Variants in RAI14 observed in about 807,000 individuals in gnomAD.
RAI14 encodes ankycorbin.
In RAI14, 45 loss-of-function variants were observed where a neutral mutation model predicts 115.4. That is an observed-to-expected ratio of 0.39 (90% CI 0.31 to 0.50). The LOEUF (loss-of-function observed/expected upper bound fraction) is 0.50. Among genes scored for constraint, RAI14 ranks in the 20% least tolerant of loss-of-function variants. The probability of loss-of-function intolerance (pLI) is 0.85; values close to 1 mark genes in which losing one functional copy is unlikely to be tolerated. For synonymous variants in RAI14, 371 were observed against 415.4 expected, an observed-to-expected ratio of 0.89 and a Z score of 1.30; for missense variants, 939 against 1,131.2, an observed-to-expected ratio of 0.83 and a Z score of 2.44.
At chr5:34,662,331 AC>A (rs373355594) in intron 1 of RAI14, among the ~76,000 whole-genome samples, 2 of 152,358 alleles carry the variant, frequency 1.3e-5, no homozygotes, top group African/African-American at 2.4e-5. Flanking sequence ...AATTCATGGC[AC>A]AAAAAACATT....
At chr5:34,660,855 G>A (rs1742638365) in intron 1 of RAI14, among the ~76,000 whole-genome samples, 1 of 151,512 alleles carries the variant, frequency 6.6e-6, no homozygotes, top group African/African-American at 2.4e-5. Flanking sequence ...TTCTGCAAAA[G>A]GATCACCAGG....
chr5:34,674,560 C>T (rs1421606254), intron 1 of RAI14, among the ~76,000 whole-genome samples: 2 of 150,726 alleles, frequency 1.3e-5, no homozygotes, highest in Non-Finnish European at 2.9e-5. Flanking sequence ...ATGGGTCTCC[C>T]TTTTGCTTTT....
intron 3 of RAI14, among the ~76,000 whole-genome samples, chr5:34,762,309 C>A (rs1194480774): frequency 6.6e-6 from 1 of 152,118 alleles, no homozygotes; most frequent in African/African-American, 2.4e-5. Context: ...CAACCTTTAC[C>A]ACCTAGAGAG....
In RAI14 at chr5:34,758,062, A is replaced by G. The variant is rs545769105; in HGVS notation, c.167+464A>G. Among the ~76,000 whole-genome samples the G allele has an allele frequency of 2.6e-5, 4 of 152,248 alleles. No individual in the cohort carries two copies. In the East Asian group the frequency reaches 5.8e-4, roughly 22 times the overall value. ...TCTTCCTTGCCATAATTAAAGCTGTATATTTGATTAAGTATTTGTGTGTGT... is the reference window on the plus strand; with the variant it reads ...TCTTCCTTGCCATAATTAAAGCTGTGTATTTGATTAAGTATTTGTGTGTGT... On this transcript the variant is annotated intron_variant, in intron 3 of 17. Coordinates refer to ENST00000265109, the MANE Select transcript of RAI14 (RefSeq NM_015577.3).
In RAI14 at chr5:34,689,842, C is replaced by G. The variant is rs536863960; in HGVS notation, c.36+2887C>G. Among the ~76,000 whole-genome samples the G allele has an allele frequency of 2.0e-5, 3 of 152,304 alleles. No homozygotes were observed. The East Asian group carries it at 5.8e-4, about 29-fold the overall frequency. ...AGCAAGAGATCACGCCATTGCACTC[C>G]AGCCTGGGCAACAAGAGTGAAACTC... On this transcript the variant is annotated intron_variant, in intron 2 of 17. Coordinates refer to ENST00000265109, the MANE Select transcript of RAI14 (RefSeq NM_015577.3).
At position 34,795,980 on chromosome 5, in the gene RAI14, G is replaced by A. The variant is rs368875881; in HGVS notation, c.209G>A (p.Arg70Lys). The change falls in exon 4 of 18, where the codon AGG (arginine) becomes AAG (lysine). Residue 70 changes from arginine to lysine, a missense_variant. Arg to Lys is a conservative substitution (Grantham distance 26). Transcript: ENST00000265109. ...AAAKGHVECLRVMITHGVDVT... is the reference protein window; with the variant it reads ...AAAKGHVECLKVMITHGVDVT... ...GCAAAAGGACACGTGGAATGCCTCA[G>A]GGTCATGATTACACATGGTGTGGAT... 3.7e-5 allele frequency: 59 copies of A among 1,613,284 alleles called. No individual in the cohort carries two copies. The highest frequency in any genetic ancestry group is 5.0e-5 in the Non-Finnish European group (59 of 1,179,532).
intron 13 of RAI14, 123 bp from the exon 14 acceptor site, chr5:34,821,609 T>TA: frequency 3.1e-6 from 2 of 635,174 alleles, no homozygotes; most frequent in Non-Finnish European, 5.6e-6. Flanking sequence ...ATCCAGCTGC[T>TA]AGGGCGTTTT....
In RAI14 at chr5:34,788,680, C is replaced by T. The variant is rs144751083; in HGVS notation, c.168-7259C>T. Among the ~76,000 whole-genome samples, 184 of 152,186 alleles carry T rather than the reference C, an allele frequency of 1.2e-3. 2 individuals carry two copies. The highest frequency in any genetic ancestry group is 4.2e-3 in the African/African-American group (176 of 41,526). ...CTTAGGATTAACATTGTTAAGAATA[C>T]CATGTTTGGCTGGGCATGGTGGCTC... On this transcript the variant is annotated intron_variant, in intron 3 of 17. Transcript: ENST00000265109.
rs1286858354 is a variant in RAI14 at position 34,702,457 on chromosome 5, C to T, written c.36+15502C>T. 5.3e-5 allele frequency among the ~76,000 whole-genome samples: 8 copies of T among 152,120 alleles called. No homozygotes were observed. The South Asian group carries it at 6.2e-4, about 12-fold the overall frequency. ...AACGAGCCCCTCACGCCAGCCTGGG[C>T]GATCAAGCAAGACCCTGTCTCAGGC... is the stretch of plus-strand genomic sequence containing the variant. On this transcript the variant is annotated intron_variant, in intron 2 of 17. Transcript: ENST00000265109.
chr5:34,689,907 A>G (rs1021628440), intron 2 of RAI14, among the ~76,000 whole-genome samples: 1 of 152,208 alleles, frequency 6.6e-6, no homozygotes, highest in Non-Finnish European at 1.5e-5. Flanking sequence ...AAACAAAAAA[A>G]GAATGTCAAA....
chr5:34,760,746 C>T (rs1357497734), intron 3 of RAI14, among the ~76,000 whole-genome samples: 1 of 152,178 alleles, frequency 6.6e-6, no homozygotes, highest in African/African-American at 2.4e-5. Flanking sequence ...ATGCGTATAA[C>T]ATAAAATTTA....
chr5:34,830,568 T>C, intron 17 of RAI14, 120 bp from the exon 18 acceptor site: 1 of 1,500,816 alleles, frequency 6.7e-7, no homozygotes, highest in Non-Finnish European at 8.9e-7. Flanking sequence ...CTGACATTCC[T>C]GTGAAAGATG....
In RAI14 at chr5:34,824,261, T is replaced by C; in HGVS notation, c.2419T>C (p.Leu807=). 6.2e-7 allele frequency: 1 copy of C among 1,614,044 alleles called. No homozygotes were observed. The part of the protein sequence containing the change: ...ESEVSVLASK[L]KESVKEKEKV... Reference sequence around the variant, plus strand: ...TGAAGTGAGTGTGTTGGCATCGAAATTAAAGGAATCTGTGAAAGAGAAAGA... The same window carrying C: ...TGAAGTGAGTGTGTTGGCATCGAAACTAAAGGAATCTGTGAAAGAGAAAGA... Residue 807 remains leucine, a synonymous_variant, in exon 15 of 18, where the codon TTA becomes CTA. Coordinates refer to ENST00000265109, the MANE Select transcript of RAI14 (RefSeq NM_015577.3).
Position 34,814,575 on chromosome 5 carries a change from T to C in RAI14, c.853-8T>C. The C allele has an allele frequency of 1.2e-6, 2 of 1,601,628 alleles. No homozygotes were observed. Among genetic ancestry groups the C allele is most frequent in the Non-Finnish European group, 1.7e-6 (2 of 1,168,830 alleles). ...TTATTAATGATTTTCATTTTGTTTCTTTTTTAGTTGAGTGATGTCTCTTCC... is the reference window on the plus strand; with the variant it reads ...TTATTAATGATTTTCATTTTGTTTCCTTTTTAGTTGAGTGATGTCTCTTCC... On this transcript the variant is annotated splice_polypyrimidine_tract_variant and splice_region_variant and intron_variant, in intron 11 of 17. Coordinates refer to ENST00000265109, the MANE Select transcript of RAI14 (RefSeq NM_015577.3).
intron 2 of RAI14, among the ~76,000 whole-genome samples, chr5:34,737,614 C>T (rs1745030834): frequency 6.6e-6 from 1 of 151,370 alleles, no homozygotes. Flanking sequence ...TAAAAATTAG[C>T]TGGGCATGGT....
Position 34,831,473 on chromosome 5 carries a change from C to T in RAI14, c.*708C>T, listed in dbSNP as rs1348188890. On this transcript the variant is annotated 3_prime_UTR_variant, in exon 18 of 18. Coordinates refer to ENST00000265109, the MANE Select transcript of RAI14 (RefSeq NM_015577.3). ...ACTGCAAATTTTCTATGCAAACTTG[C>T]CTCCTGCTGTTATCTGTGAAGCTCA... is the stretch of plus-strand genomic sequence containing the variant. 2.0e-5 allele frequency: 3 copies of T among 152,590 alleles called. No individual in the cohort carries two copies. The highest frequency in any genetic ancestry group is 4.4e-5 in the Non-Finnish European group (3 of 68,032). 9.5% of individuals were successfully genotyped at this position (152,590 alleles called of 1,614,324 possible). A position where few individuals can be genotyped will look rare whatever the true frequency, so the allele number is the denominator to read the frequency against.
At chr5:34,824,894 A>G (rs1757280873) in intron 15 of RAI14, among the ~76,000 whole-genome samples, 1 of 151,228 alleles carries the variant, frequency 6.6e-6, no homozygotes, top group Non-Finnish European at 1.5e-5. Context: ...CAGTGAGCCA[A>G]GATCAGGCCA....
intron 12 of RAI14, among the ~76,000 whole-genome samples, chr5:34,815,499 G>A (rs1397446701): frequency 6.6e-6 from 1 of 152,158 alleles, no homozygotes; most frequent in Non-Finnish European, 1.5e-5. Context: ...GGAGGCAGAG[G>A]TTGCAGTGAG....
At chr5:34,746,346 C>T (rs1256893533) in intron 2 of RAI14, among the ~76,000 whole-genome samples, 1 of 150,448 alleles carries the variant, frequency 6.6e-6, no homozygotes, top group South Asian at 2.1e-4. Context: ...ACCTCATGAT[C>T]TGCCTGCCTC....
Sources: allele counts gnomAD v4.1 joint callset (sites outside exome capture counted in the v4.1 genomes callset), GRCh38; gene constraint gnomAD v4.1.1; transcripts MANE v1.5; gene names NCBI Gene and HGNC (gene_info 2026-07-23, HGNC 2026-07-21).